The following ADAMTS19 variants were observed in gnomAD, a reference collection of about 807,000 sequenced individuals.
ADAMTS19 encodes A disintegrin and metalloproteinase with thrombospondin motifs 19.
Under a neutral mutation model 153.3 loss-of-function variants are expected in ADAMTS19, and 93 were observed. The ratio of observed to expected loss-of-function variants is 0.61; its 90% CI spans 0.51 to 0.72. ADAMTS19 has a LOEUF of 0.72. Among genes scored for constraint, ADAMTS19 ranks in the 30% least tolerant of loss-of-function variants. ADAMTS19 has a pLI of 0.00. For missense variants in ADAMTS19, 1,482 were observed against 1,552.1 expected, an observed-to-expected ratio of 0.95 and a Z score of 0.76; for synonymous variants, 600 against 556.6, an observed-to-expected ratio of 1.08 and a Z score of -1.10.
chr5:129,492,817 A>G (rs1164275832), intron 2 of ADAMTS19, among the ~76,000 whole-genome samples: 1 of 152,172 alleles, frequency 6.6e-6, no homozygotes. Flanking sequence ...GTAAAGCCAG[A>G]TTTAGACTAT....
rs760081850 is a variant in ADAMTS19 at position 129,526,511 on chromosome 5, C to T, written c.1086+55C>T. The stretch of plus-strand genomic sequence containing the variant: ...TTTTTCAAGAAAACTCTAAGGAAGA[C>T]ATGTGTGAGTATTTATAATGAAATT... On this transcript the variant is annotated intron_variant, in intron 4 of 22. Coordinates refer to ENST00000274487, the MANE Select transcript of ADAMTS19 (RefSeq NM_133638.6). The T allele has an allele frequency of 7.5e-6, 11 of 1,463,404 alleles. No homozygotes were observed. In the East Asian group the frequency reaches 1.7e-4, roughly 23 times the overall value. The allele number at this position is 1,463,404 out of a possible 1,614,324, so 90.7% of individuals were successfully genotyped here. A position where few individuals can be genotyped will look rare whatever the true frequency, so the allele number is the denominator to read the frequency against.
chr5:129,722,498 C>A (rs1757046940), intron 21 of ADAMTS19, among the ~76,000 whole-genome samples: 1 of 147,090 alleles, frequency 6.8e-6, no homozygotes, highest in African/African-American at 2.7e-5. Context: ...GATATTAGAC[C>A]TTTGTTAGAT....
intron 8 of ADAMTS19, among the ~76,000 whole-genome samples, chr5:129,598,608 C>T (rs570031588): frequency 6.6e-6 from 1 of 152,230 alleles, no homozygotes; most frequent in South Asian, 2.1e-4. Flanking sequence ...TTACTCCATA[C>T]AAATGTTTTG....
rs112128430 is a variant in ADAMTS19, at chr5:129,720,934, T to G, written c.3313-13998T>G. Among the ~76,000 whole-genome samples, 9 of 152,306 alleles carry G rather than the reference T, an allele frequency of 5.9e-5. 3 individuals carry two copies. The highest frequency in any genetic ancestry group is 2.2e-4 in the African/African-American group (9 of 41,574). On this transcript the variant is annotated intron_variant, in intron 21 of 22. Transcript: ENST00000274487. The stretch of plus-strand genomic sequence containing the variant: ...CCATCACATAAATTTCTACGTATGA[T>G]TCATGAATTTTCAGTGACAGAAAGA...
Position 129,460,496 on chromosome 5 carries a change from T to A in ADAMTS19, c.91+14T>A, listed in dbSNP as rs777157014. 6.2e-6 allele frequency: 10 copies of A among 1,613,934 alleles called. No individual in the cohort carries two copies. Among genetic ancestry groups the A allele is most frequent in the African/African-American group, 1.3e-5 (1 of 74,920 alleles). Reference sequence around the variant, plus strand: ...GGATCGTTTCAGGTAAGTTCTTCCGTGACTTTCTCGCTTCCTTTCCAGCCA... The same window carrying A: ...GGATCGTTTCAGGTAAGTTCTTCCGAGACTTTCTCGCTTCCTTTCCAGCCA... On this transcript the variant is annotated intron_variant, in intron 1 of 22. Transcript: ENST00000274487.
intron 11 of ADAMTS19, among the ~76,000 whole-genome samples, 192 bp from the exon 12 acceptor site, chr5:129,647,573 A>T (rs1022075095): frequency 2.6e-5 from 4 of 152,290 alleles, no homozygotes; most frequent in Non-Finnish European, 4.4e-5. Context: ...ACAAGACTGT[A>T]TCTGTGAGAA....
intron 10 of ADAMTS19, among the ~76,000 whole-genome samples, chr5:129,631,723 A>G (rs550104272): frequency 6.6e-6 from 1 of 151,978 alleles, no homozygotes; most frequent in African/African-American, 2.4e-5. Context: ...TTTAGTTTAA[A>G]TGTATCTGTG....
chr5:129,603,181 T>C (rs1470298989), intron 8 of ADAMTS19, among the ~76,000 whole-genome samples: 20 of 152,166 alleles, frequency 1.3e-4, no homozygotes, highest in Non-Finnish European at 7.3e-5. Flanking sequence ...CAGATCACAC[T>C]CTGAGTAGCC....
intron 21 of ADAMTS19, among the ~76,000 whole-genome samples, chr5:129,710,595 A>G (rs1325746732): frequency 6.6e-6 from 1 of 152,190 alleles, no homozygotes; most frequent in Non-Finnish European, 1.5e-5. Context: ...AGAAAACAAC[A>G]GATGCTGGCA....
chr5:129,734,213 G>A (rs941758415), intron 21 of ADAMTS19, among the ~76,000 whole-genome samples: 2 of 151,700 alleles, frequency 1.3e-5, no homozygotes, highest in Non-Finnish European at 1.5e-5. Flanking sequence ...TTAGGTACTT[G>A]GTACAGTGTT....
Position 129,515,495 on chromosome 5 carries a change from A to T in ADAMTS19, c.913+6253A>T, listed in dbSNP as rs1751572987. ...TCATCAGTGTTTTATAGTTTTCATT[A>T]TAGAGGTCTTTCACTTCTTTGGTTA... On this transcript the variant is annotated intron_variant, in intron 3 of 22. Coordinates refer to ENST00000274487, the MANE Select transcript of ADAMTS19 (RefSeq NM_133638.6). Among the ~76,000 whole-genome samples the T allele has an allele frequency of 3.9e-5, 6 of 152,012 alleles. No homozygotes were observed. The South Asian group carries it at 1.2e-3, about 32-fold the overall frequency.
intron 7 of ADAMTS19, among the ~76,000 whole-genome samples, chr5:129,567,202 C>T (rs992451680): frequency 2.6e-5 from 4 of 152,094 alleles, no homozygotes; most frequent in African/African-American, 9.7e-5. Flanking sequence ...AAGTTTGGAA[C>T]TTATAGCATG....
intron 21 of ADAMTS19, among the ~76,000 whole-genome samples, chr5:129,714,955 A>G (rs7737760): frequency 0.13 from 19,877 of 152,150 alleles, 3,056 homozygotes; most frequent in African/African-American, 0.38. Context: ...TTTAAACAGT[A>G]GAATATTGTA....
chr5:129,679,717 T>C lies in ADAMTS19; in HGVS notation c.2507-47T>C, dbSNP rs983517767. On this transcript the variant is annotated intron_variant, in intron 16 of 22. Coordinates refer to ENST00000274487, the MANE Select transcript of ADAMTS19 (RefSeq NM_133638.6). ...ATAATTTGTAGTAGATGTTGATCAA[T>C]GAAGCTGACTTGTTAATACTCATTA... The C allele has an allele frequency of 2.8e-6, 4 of 1,436,224 alleles. No homozygotes were observed. In the African/African-American group the frequency reaches 5.8e-5, roughly 21 times the overall value. The allele number at this position is 1,436,224 out of a possible 1,614,324, so 89.0% of individuals were successfully genotyped here. A position where few individuals can be genotyped will look rare whatever the true frequency, so the allele number is the denominator to read the frequency against.
chr5:129,602,176 T>TAC (rs1750682399), intron 8 of ADAMTS19, among the ~76,000 whole-genome samples: 1 of 152,200 alleles, frequency 6.6e-6, no homozygotes, highest in Non-Finnish European at 1.5e-5. Context: ...CACCGCAACC[T>TAC]CTGCCTCCTG....
intron 21 of ADAMTS19, among the ~76,000 whole-genome samples, chr5:129,730,291 G>T (rs757098605): frequency 2.0e-5 from 3 of 152,052 alleles, no homozygotes; most frequent in Non-Finnish European, 4.4e-5. Context: ...AAAAAGTCAG[G>T]TTTAAAGGAC....
In ADAMTS19 at chr5:129,735,160, G is replaced by A. The variant is rs375923382; in HGVS notation, c.3490+51G>A. The A allele has an allele frequency of 4.8e-6, 7 of 1,454,266 alleles. No individual in the cohort carries two copies. The African/African-American group carries it at 8.7e-5, about 18-fold the overall frequency. The allele number at this position is 1,454,266 out of a possible 1,614,324, so 90.1% of individuals were successfully genotyped here. On this transcript the variant is annotated intron_variant, in intron 22 of 22. Transcript: ENST00000274487. ...TTTTGAAAAACATAGAAATGCTTATGGCTTCTTGTATTTTGTATATTACTT... is the reference window on the plus strand; with the variant it reads ...TTTTGAAAAACATAGAAATGCTTATAGCTTCTTGTATTTTGTATATTACTT...
At chr5:129,545,157 A>T (rs1214620839) in intron 6 of ADAMTS19, among the ~76,000 whole-genome samples, 1 of 152,130 alleles carries the variant, frequency 6.6e-6, no homozygotes, top group African/African-American at 2.4e-5. Flanking sequence ...CTAATTAAAA[A>T]AAATAAAAAA....
chr5:129,706,835 G>T (rs2127172159), intron 21 of ADAMTS19, among the ~76,000 whole-genome samples: 1 of 152,294 alleles, frequency 6.6e-6, no homozygotes. Context: ...GTTCACTAGG[G>T]AGATCATAGG....
Sources: allele counts gnomAD v4.1 joint callset (sites outside exome capture counted in the v4.1 genomes callset), GRCh38; gene constraint gnomAD v4.1.1; transcripts MANE v1.5; gene names NCBI Gene and HGNC (gene_info 2026-07-23, HGNC 2026-07-21).